FKBP7: variants seen among roughly 807,000 people sequenced by gnomAD.
The protein encoded by FKBP7 is FKBP prolyl isomerase 7, also known as peptidyl-prolyl cis-trans isomerase FKBP7.
FKBP7 carries 24 observed loss-of-function variants against 24.3 expected under a neutral mutation model. The ratio of observed to expected loss-of-function variants is 0.99; its 90% CI spans 0.72 to 1.39. The LOEUF (loss-of-function observed/expected upper bound fraction) is 1.39. Ranked by LOEUF, FKBP7 falls within the 40% of genes most tolerant of loss-of-function variation. The pLI is 0.00. For synonymous variants in FKBP7, 98 were observed against 92.8 expected (o/e 1.06, Z -0.32); for missense variants, 257 against 269.5 (o/e 0.95, Z 0.33).
chr2:178,474,021 C>A (rs1684930608), intron 2 of FKBP7, among the ~76,000 whole-genome samples: 1 of 151,436 alleles, frequency 6.6e-6, no homozygotes, highest in Admixed American at 6.6e-5. Context: ...GCACTGACAC[C>A]CCCCCACCAC....
chr2:178,473,098 T>C (rs1456850450), intron 2 of FKBP7: 2 of 1,305,140 alleles, frequency 1.5e-6, no homozygotes, highest in South Asian at 1.2e-5. Context: ...TTCTGTGACA[T>C]GAGACAAGGA....
intron 2 of FKBP7, among the ~76,000 whole-genome samples, chr2:178,473,459 C>T (rs763050882): frequency 3.9e-5 from 6 of 152,348 alleles, no homozygotes; most frequent in Admixed American, 6.5e-5. Flanking sequence ...TGTTTCACAT[C>T]AAACTTCTAT....
intron 2 of FKBP7, chr2:178,472,979 A>T (rs1270349202): frequency 1.3e-6 from 1 of 746,402 alleles, no homozygotes. Flanking sequence ...ACTTATATTT[A>T]GAGAAGCAGA....
At chr2:178,468,441 C>G (rs1314797625) in intron 3 of FKBP7, among the ~76,000 whole-genome samples, 2 of 151,578 alleles carry the variant, frequency 1.3e-5, no homozygotes, top group African/African-American at 4.9e-5. Context: ...TCACTTGAGG[C>G]CAGGAGTTCA....
chr2:178,468,488 TA>T (rs748822390), intron 3 of FKBP7, among the ~76,000 whole-genome samples: 2,453 of 139,414 alleles, frequency 0.018, 42 homozygotes, highest in African/African-American at 0.045. Flanking sequence ...CTCCATCTCT[TA>T]AAAAAAAAAA....
chr2:178,465,980 T>C, intron 3 of FKBP7, 49 bp from the exon 4 acceptor site: 1 of 1,470,342 alleles, frequency 6.8e-7, no homozygotes, highest in South Asian at 1.4e-5. Flanking sequence ...TCACAGTGAA[T>C]TTCCAGTAAC....
intron 2 of FKBP7, 147 bp downstream of exon 2, chr2:178,476,915 G>T (rs1575137761): frequency 1.8e-6 from 1 of 571,170 alleles, no homozygotes; most frequent in Non-Finnish European, 3.0e-6. Flanking sequence ...TCCATCTCTT[G>T]TCTATTGTAC....
At chr2:178,473,401 T>C (rs1161215183) in intron 2 of FKBP7, among the ~76,000 whole-genome samples, 1 of 152,152 alleles carries the variant, frequency 6.6e-6, no homozygotes, top group East Asian at 1.9e-4. Flanking sequence ...ACTAGTGAGA[T>C]TAATCACTTT....
At chr2:178,476,947 G>T in intron 2 of FKBP7, 115 bp downstream of exon 2, 1 of 745,848 alleles carries the variant, frequency 1.3e-6, no homozygotes, top group Non-Finnish European at 2.1e-6. Flanking sequence ...GAGCATGGCT[G>T]TACAAATATT....
At chr2:178,468,636 A>G (rs1684751279) in intron 3 of FKBP7, among the ~76,000 whole-genome samples, 1 of 152,118 alleles carries the variant, frequency 6.6e-6, no homozygotes, top group African/African-American at 2.4e-5. Flanking sequence ...AAAAATTTAA[A>G]AAATTGAAAT....
At chr2:178,477,614 A>T (rs892772072) in intron 1 of FKBP7, among the ~76,000 whole-genome samples, 3 of 151,998 alleles carry the variant, frequency 2.0e-5, no homozygotes, top group Non-Finnish European at 1.5e-5. Context: ...ATATTTTCTT[A>T]TTAAATTCTA....
chr2:178,469,625 T>C, intron 3 of FKBP7, 27 bp downstream of exon 3: 6 of 1,612,030 alleles, frequency 3.7e-6, no homozygotes, highest in Non-Finnish European at 5.1e-6. Context: ...AAAATTAGAC[T>C]ATACACATGA....
intron 2 of FKBP7, among the ~76,000 whole-genome samples, chr2:178,474,833 G>A (rs879645364): frequency 2.6e-5 from 4 of 152,114 alleles, no homozygotes; most frequent in East Asian, 1.9e-4. Flanking sequence ...GACCACAGGC[G>A]GATACCGCCA....
chr2:178,477,032 A>T (rs1260079890), intron 2 of FKBP7, 30 bp downstream of exon 2: 1 of 1,502,280 alleles, frequency 6.7e-7, no homozygotes, highest in Non-Finnish European at 9.1e-7. Flanking sequence ...AAATATAACT[A>T]AAACAAGAAA....
intron 2 of FKBP7, among the ~76,000 whole-genome samples, chr2:178,472,650 A>C (rs1174712940): frequency 6.6e-6 from 1 of 151,654 alleles, no homozygotes; most frequent in East Asian, 2.0e-4. Context: ...GGAGTTCGAG[A>C]CCAGCCTGGC....
intron 2 of FKBP7, among the ~76,000 whole-genome samples, chr2:178,472,826 T>G (rs748580467): frequency 1.5e-4 from 16 of 108,712 alleles, no homozygotes; most frequent in Non-Finnish European, 2.3e-4. Context: ...CGCTCCAATC[T>G]GGGTGACAGA....
intron 2 of FKBP7, among the ~76,000 whole-genome samples, chr2:178,472,544 G>A (rs572234357): frequency 2.0e-5 from 3 of 151,476 alleles, no homozygotes; most frequent in East Asian, 3.9e-4. Flanking sequence ...GCGCGATCTC[G>A]GCTCACTGTA....
chr2:178,471,366 A>G (rs1030490939), intron 2 of FKBP7, among the ~76,000 whole-genome samples: 3 of 151,198 alleles, frequency 2.0e-5, no homozygotes, highest in African/African-American at 7.3e-5. Context: ...CCTGCCACCA[A>G]TCCTGGCTAA....
chr2:178,475,456 C>T (rs1241202159), intron 2 of FKBP7, among the ~76,000 whole-genome samples: 1 of 152,108 alleles, frequency 6.6e-6, no homozygotes, highest in Non-Finnish European at 1.5e-5. Flanking sequence ...TCTCGAACTC[C>T]TGACCTGAAG....
Sources: allele counts gnomAD v4.1 joint callset (sites outside exome capture counted in the v4.1 genomes callset), GRCh38; gene constraint gnomAD v4.1.1; transcripts MANE v1.5; gene names NCBI Gene and HGNC (gene_info 2026-07-23, HGNC 2026-07-21).